The following TENM4 variants were observed in gnomAD, a reference collection of about 807,000 sequenced individuals.
The protein encoded by TENM4 is teneurin transmembrane protein 4.
TENM4 carries 82 observed loss-of-function variants against 243.3 expected under a neutral mutation model. The observed-to-expected ratio is 0.34, with a 90% CI of 0.28 to 0.40. TENM4 has a LOEUF of 0.40. TENM4 is among the 10% of genes least tolerant of loss of function. The pLI is 1.00. For synonymous variants in TENM4, 1,412 were observed against 1,456.3 expected (o/e 0.97, Z 0.69); for missense variants, 3,138 against 3,673.3 (o/e 0.85, Z 3.77).
At chr11:79,083,548 C>T (rs942781468) in intron 4 of TENM4, among the ~76,000 whole-genome samples, 3 of 152,200 alleles carry the variant, frequency 2.0e-5, no homozygotes, top group African/African-American at 7.2e-5. Flanking sequence ...GGATAGCAGC[C>T]AGCCCTTGTT....
At chr11:79,248,660 TCTC>T (rs1323199440) in intron 2 of TENM4, among the ~76,000 whole-genome samples, 28 of 152,334 alleles carry the variant, frequency 1.8e-4, no homozygotes, top group African/African-American at 4.8e-5. Context: ...CTTTCTGCCT[TCTC>T]CTCCTGCATC....
chr11:79,320,810 C>T (rs1429936680), intron 1 of TENM4, among the ~76,000 whole-genome samples: 1 of 152,218 alleles, frequency 6.6e-6, no homozygotes, highest in Non-Finnish European at 1.5e-5. Context: ...TGCTGAAATT[C>T]AGGTTTTCAA....
In TENM4 at chr11:79,170,060, C is replaced by A. The variant is rs373697068; in HGVS notation, c.-162-21254G>T. On this transcript the variant is annotated intron_variant, in intron 3 of 33. Transcript: ENST00000278550. The stretch of plus-strand genomic sequence containing the variant: ...TTGGGCTTTTTGACATTCCCATGAG[C>A]TCTTTCCTGTCCAGCTGCTCTGAAC... 3.9e-5 allele frequency among the ~76,000 whole-genome samples: 6 copies of A among 152,132 alleles called. No homozygotes were observed. The East Asian group carries it at 9.6e-4, about 24-fold the overall frequency.
At position 79,288,073 on chromosome 11, in the gene TENM4, AAGG is replaced by A. The variant is rs1162825955; in HGVS notation, c.-265+9412_-265+9414del. On this transcript the variant is annotated intron_variant, in intron 2 of 33. Transcript: ENST00000278550. ...CTCTCTACCAAATACCTCTTCCTTG[AAGG>A]AGAAGGATGGTAGATATAGGCACAG... is the stretch of plus-strand genomic sequence containing the variant. 5.3e-5 allele frequency among the ~76,000 whole-genome samples: 8 copies of A among 152,230 alleles called. No homozygotes were observed. In the South Asian group the frequency reaches 8.3e-4, roughly 16 times the overall value.
chr11:79,252,189 C>A (rs1303062562), intron 2 of TENM4, among the ~76,000 whole-genome samples: 3 of 152,180 alleles, frequency 2.0e-5, no homozygotes, highest in African/African-American at 7.2e-5. Context: ...GAAAGCAGCA[C>A]ACGGTTTAAC....
At chr11:79,207,972 C>A (rs1863883176) in intron 3 of TENM4, among the ~76,000 whole-genome samples, 1 of 151,330 alleles carries the variant, frequency 6.6e-6, no homozygotes, top group Non-Finnish European at 1.5e-5. Context: ...CACTGAAAAT[C>A]ACTAACTAGA....
At chr11:78,892,581 C>T (rs1470394385) in intron 7 of TENM4, among the ~76,000 whole-genome samples, 2 of 152,056 alleles carry the variant, frequency 1.3e-5, no homozygotes, top group African/African-American at 2.4e-5. Flanking sequence ...TTATATGGAT[C>T]GGCTGAGATA....
chr11:78,668,935 A>T lies in TENM4; in HGVS notation c.7408+2T>A. 6.2e-7 allele frequency: 1 copy of T among 1,610,748 alleles called. No individual in the cohort carries two copies. Among genetic ancestry groups the T allele is most frequent in the Non-Finnish European group, 8.5e-7 (1 of 1,177,352 alleles). ...TGCCCCTGAGTGAGCCGTGGTCCTTACCTGTCATGAAGCACTTGATGTCCT... is the reference window on the plus strand; with the variant it reads ...TGCCCCTGAGTGAGCCGTGGTCCTTTCCTGTCATGAAGCACTTGATGTCCT... On this transcript the variant is annotated splice_donor_variant, in intron 32 of 33. Coordinates refer to ENST00000278550, the MANE Select transcript of TENM4 (RefSeq NM_001098816.3). LOFTEE classifies it high-confidence loss of function.
intron 1 of TENM4, among the ~76,000 whole-genome samples, chr11:79,322,397 T>C (rs1179306302): frequency 6.6e-6 from 1 of 152,240 alleles, no homozygotes; most frequent in East Asian, 1.9e-4. Flanking sequence ...CACTGTGCAA[T>C]GAGTCCTGCA....
At chr11:78,789,675 G>C (rs76564544) in intron 15 of TENM4, among the ~76,000 whole-genome samples, 2,473 of 152,276 alleles carry the variant, frequency 0.016, 62 homozygotes, top group African/African-American at 0.057. Context: ...ACTGAGGTGT[G>C]AGCCAGGAGA....
intron 6 of TENM4, among the ~76,000 whole-genome samples, chr11:78,962,784 T>A (rs1857358028): frequency 6.6e-6 from 1 of 152,236 alleles, no homozygotes. Flanking sequence ...TTCTGTGATG[T>A]CACCGAACTG....
At chr11:79,082,019 C>A (rs1860688517) in intron 4 of TENM4, among the ~76,000 whole-genome samples, 1 of 152,118 alleles carries the variant, frequency 6.6e-6, no homozygotes, top group Non-Finnish European at 1.5e-5. Context: ...TAGGAAAATG[C>A]CCACACACCT....
At chr11:78,949,416 T>C (rs1857070158) in intron 6 of TENM4, among the ~76,000 whole-genome samples, 1 of 152,194 alleles carries the variant, frequency 6.6e-6, no homozygotes, top group Non-Finnish European at 1.5e-5. Flanking sequence ...GAAGTCAAGA[T>C]TGGGAATCAG....
intron 6 of TENM4, among the ~76,000 whole-genome samples, chr11:78,913,807 A>G (rs540576321): frequency 6.6e-6 from 1 of 152,274 alleles, no homozygotes; most frequent in South Asian, 2.1e-4. Context: ...TGGCGGGGTC[A>G]ACTCAGTACA....
At position 78,958,196 on chromosome 11, in the gene TENM4, C is replaced by T. The variant is rs188088418; in HGVS notation, c.494-54673G>A. Among the ~76,000 whole-genome samples, 64 of 152,298 alleles carry T rather than the reference C, an allele frequency of 4.2e-4. 2 individuals are homozygous for T. The East Asian group carries it at 0.012, about 28-fold the overall frequency. ...AAAGTCCTTATTAAATGTCAATTCT[C>T]CCACCCACCCACTACCTTACCTAGG... On this transcript the variant is annotated intron_variant, in intron 6 of 33. Transcript: ENST00000278550.
intron 5 of TENM4, among the ~76,000 whole-genome samples, chr11:79,066,956 C>T (rs1228205828): frequency 6.6e-6 from 1 of 152,230 alleles, no homozygotes; most frequent in Non-Finnish European, 1.5e-5. Context: ...TGCCAGGTTA[C>T]AGTCATGAAG....
rs200190168 is a variant in TENM4, at chr11:78,974,703, TTC to T, written c.494-71182_494-71181del. Among the ~76,000 whole-genome samples, 1,432 of 148,650 alleles carry T rather than the reference TTC, an allele frequency of 9.6e-3. 24 individuals carry two copies. Among genetic ancestry groups the T allele is most frequent in the African/African-American group, 0.033 (1,277 of 39,292 alleles). Reference sequence around the variant, plus strand: ...CTCCCTTTCTTTCTTTTTCTTTTCTTTCTGTTTTTCTTTTCTTTTCTTTTTTT... The same window carrying T: ...CTCCCTTTCTTTCTTTTTCTTTTCTTTGTTTTTCTTTTCTTTTCTTTTTTT... On this transcript the variant is annotated intron_variant, in intron 6 of 33. Coordinates refer to ENST00000278550, the MANE Select transcript of TENM4 (RefSeq NM_001098816.3).
At chr11:78,807,932 G>A (rs985478890) in intron 14 of TENM4, among the ~76,000 whole-genome samples, 1 of 152,212 alleles carries the variant, frequency 6.6e-6, no homozygotes, top group African/African-American at 2.4e-5. Context: ...TGACTTCTCA[G>A]GTTGCTATGA....
chr11:79,278,802 C>A (rs1036955856), intron 2 of TENM4, among the ~76,000 whole-genome samples: 1 of 152,042 alleles, frequency 6.6e-6, no homozygotes, highest in Non-Finnish European at 1.5e-5. Flanking sequence ...TACATGTGCA[C>A]GAGGGACAGA....
Sources: allele counts gnomAD v4.1 joint callset (sites outside exome capture counted in the v4.1 genomes callset), GRCh38; gene constraint gnomAD v4.1.1; transcripts MANE v1.5; gene names NCBI Gene and HGNC (gene_info 2026-07-23, HGNC 2026-07-21).